DIAPH3: variants seen among roughly 807,000 people sequenced by gnomAD.
The protein encoded by DIAPH3 is protein diaphanous homolog 3.
In DIAPH3, 117 loss-of-function variants were observed where a neutral mutation model predicts 144.3. The ratio of observed to expected loss-of-function variants is 0.81; its 90% CI spans 0.70 to 0.95. The LOEUF is 0.95. Among genes scored for constraint, DIAPH3 ranks in the 40% least tolerant of loss-of-function variants. The pLI, the probability that DIAPH3 is intolerant of heterozygous loss-of-function variation, is 0.00. For missense variants in DIAPH3, 1,421 were observed against 1,412.7 expected (o/e 1.01, Z -0.09); for synonymous variants, 519 against 488.9 (o/e 1.06, Z -0.81).
At chr13:59,908,996 G>A (rs558705015) in intron 20 of DIAPH3, among the ~76,000 whole-genome samples, 12 of 152,260 alleles carry the variant, frequency 7.9e-5, no homozygotes, top group African/African-American at 2.6e-4. Flanking sequence ...CATTTCTAAT[G>A]TACTTTAAAT....
At chr13:60,110,172 T>G (rs746065307) in intron 3 of DIAPH3, among the ~76,000 whole-genome samples, 1 of 152,200 alleles carries the variant, frequency 6.6e-6, no homozygotes. Flanking sequence ...AACAAAGTTG[T>G]TACTTCATGT....
intron 12 of DIAPH3, among the ~76,000 whole-genome samples, chr13:59,988,939 G>A (rs1382106872): frequency 6.6e-6 from 1 of 151,624 alleles, no homozygotes; most frequent in African/African-American, 2.4e-5. Context: ...TTCTCCAATC[G>A]AATTCCATTT....
chr13:59,673,814 T>C (rs1283404593), intron 27 of DIAPH3, among the ~76,000 whole-genome samples: 1 of 152,206 alleles, frequency 6.6e-6, no homozygotes, highest in African/African-American at 2.4e-5. Context: ...TAATCCTCTG[T>C]GCATCCTTAC....
chr13:59,975,517 T>C (rs144497833), intron 14 of DIAPH3, among the ~76,000 whole-genome samples: 5 of 152,108 alleles, frequency 3.3e-5, no homozygotes, highest in African/African-American at 1.2e-4. Flanking sequence ...CTTTACGGTT[T>C]TACTTAACAG....
At chr13:59,805,583 T>C (rs2040147597) in intron 25 of DIAPH3, among the ~76,000 whole-genome samples, 1 of 151,914 alleles carries the variant, frequency 6.6e-6, no homozygotes, top group African/African-American at 2.4e-5. Flanking sequence ...AATAAAGACA[T>C]CATGAAAATG....
intron 20 of DIAPH3, among the ~76,000 whole-genome samples, chr13:59,882,046 T>C (rs1262611414): frequency 6.6e-6 from 1 of 152,148 alleles, no homozygotes; most frequent in Non-Finnish European, 1.5e-5. Flanking sequence ...TTAAGGTTAA[T>C]GTTCCAAGAT....
At chr13:59,954,594 G>A (rs781179660) in intron 17 of DIAPH3, among the ~76,000 whole-genome samples, 3 of 152,052 alleles carry the variant, frequency 2.0e-5, no homozygotes, top group South Asian at 2.1e-4. Flanking sequence ...TAATATAGGT[G>A]TGTATTAGTC....
intron 25 of DIAPH3, among the ~76,000 whole-genome samples, chr13:59,805,097 T>C (rs762507033): frequency 4.6e-5 from 7 of 152,116 alleles, no homozygotes; most frequent in Non-Finnish European, 1.0e-4. Flanking sequence ...TTAAGTCTAA[T>C]AAATAATAGA....
At chr13:59,981,300 C>A (rs1213918377) in intron 13 of DIAPH3, among the ~76,000 whole-genome samples, 1 of 151,082 alleles carries the variant, frequency 6.6e-6, no homozygotes, top group Non-Finnish European at 1.5e-5. Context: ...TGAAAATTAG[C>A]AATATGAATG....
Position 59,956,129 on chromosome 13 carries a change from G to C in DIAPH3, c.2074+13815C>G, listed in dbSNP as rs2147165. ...AAATTTGCAGCCTGATGATACAATA[G>C]AAAAGAAAACTCATTTTCTGAGGAG... is the stretch of plus-strand genomic sequence containing the variant. On this transcript the variant is annotated intron_variant, in intron 17 of 27. Coordinates refer to ENST00000400324, the MANE Select transcript of DIAPH3 (RefSeq NM_001042517.2). Among the ~76,000 whole-genome samples, 1,323 of 151,608 alleles carry C rather than the reference G, an allele frequency of 8.7e-3. 57 individuals are homozygous for C. Among genetic ancestry groups the C allele is most frequent in the Admixed American group, 0.07 (1,076 of 15,272 alleles).
intron 18 of DIAPH3, among the ~76,000 whole-genome samples, chr13:59,919,194 A>C (rs1238121113): frequency 6.6e-6 from 1 of 152,090 alleles, no homozygotes; most frequent in African/African-American, 2.4e-5. Context: ...AGCATTAAAG[A>C]GCAAAAACGT....
intron 25 of DIAPH3, among the ~76,000 whole-genome samples, chr13:59,807,482 T>C (rs1287452871): frequency 6.6e-6 from 1 of 152,078 alleles, no homozygotes; most frequent in Non-Finnish European, 1.5e-5. Flanking sequence ...ATATGTATGA[T>C]ATAGACATAG....
intron 3 of DIAPH3, among the ~76,000 whole-genome samples, chr13:60,107,555 A>G (rs1772938593): frequency 6.6e-6 from 1 of 152,186 alleles, no homozygotes. Flanking sequence ...TATCTAAACC[A>G]GGTTTCCCAC....
At chr13:59,691,200 T>A (rs1296258754) in intron 27 of DIAPH3, among the ~76,000 whole-genome samples, 1 of 152,170 alleles carries the variant, frequency 6.6e-6, no homozygotes, top group African/African-American at 2.4e-5. Flanking sequence ...AAAATTTAAG[T>A]AATTTCTTAT....
chr13:59,928,616 A>C (rs1316652827), intron 17 of DIAPH3, among the ~76,000 whole-genome samples: 3 of 152,190 alleles, frequency 2.0e-5, no homozygotes, highest in Non-Finnish European at 2.9e-5. Flanking sequence ...GCAGCCACAT[A>C]GTCTCTGTGT....
chr13:60,099,967 GGAAGGAAA>G (rs1454078821), intron 3 of DIAPH3, among the ~76,000 whole-genome samples: 1 of 138,298 alleles, frequency 7.2e-6, no homozygotes, highest in Non-Finnish European at 1.6e-5. Context: ...AAGGAAGGAA[GGAAGGAAA>G]GTCAAAAGGA....
intron 27 of DIAPH3, among the ~76,000 whole-genome samples, chr13:59,724,207 AT>A (rs1474347089): frequency 1.3e-5 from 2 of 152,308 alleles, no homozygotes; most frequent in Non-Finnish European, 2.9e-5. Flanking sequence ...ACATATTTAT[AT>A]TAAGTATTCA....
At chr13:59,727,693 T>A (rs529662791) in intron 27 of DIAPH3, among the ~76,000 whole-genome samples, 1 of 152,170 alleles carries the variant, frequency 6.6e-6, no homozygotes, top group Non-Finnish European at 1.5e-5. Context: ...CTTATTTCTA[T>A]GGTTAGGAAG....
intron 27 of DIAPH3, among the ~76,000 whole-genome samples, chr13:59,760,447 T>G (rs1367917955): frequency 6.6e-6 from 1 of 152,232 alleles, no homozygotes. Context: ...TCTCTTATAT[T>G]TGTAGCCTTG....
Sources: gnomAD v4.1 joint callset for allele counts (sites outside exome capture counted in the v4.1 genomes callset) on GRCh38, gnomAD v4.1.1 for gene constraint, MANE v1.5 for transcripts, NCBI Gene and HGNC (gene_info 2026-07-23, HGNC 2026-07-21) for gene names.